SPOCK3: variants seen among roughly 807,000 people sequenced by gnomAD.
SPOCK3 encodes the protein testican-3.
Under a neutral mutation model 56.6 loss-of-function variants are expected in SPOCK3, and 30 were observed. That is an observed-to-expected ratio of 0.53 (90% CI 0.40 to 0.72). SPOCK3 has a LOEUF of 0.72. Among genes scored for constraint, SPOCK3 ranks in the 30% least tolerant of loss-of-function variants. The pLI is 0.00. For synonymous variants in SPOCK3, 196 were observed against 183.3 expected (o/e 1.07, Z -0.56); for missense variants, 527 against 530.0 (o/e 0.99, Z 0.06).
chr4:167,199,154 G>T (rs529095209), intron 2 of SPOCK3, among the ~76,000 whole-genome samples: 1 of 151,996 alleles, frequency 6.6e-6, no homozygotes, highest in Non-Finnish European at 1.5e-5. Flanking sequence ...TAAAGTCACA[G>T]AAATCATTGT....
At chr4:167,044,250 T>C (rs1421183557) in intron 3 of SPOCK3, among the ~76,000 whole-genome samples, 2 of 152,048 alleles carry the variant, frequency 1.3e-5, no homozygotes, top group African/African-American at 4.8e-5. Context: ...TAATATTTAC[T>C]TATTATCCTT....
intron 10 of SPOCK3, among the ~76,000 whole-genome samples, chr4:166,737,055 G>T (rs1734284891): frequency 6.6e-6 from 1 of 152,000 alleles, no homozygotes. Context: ...TCTTTGGCTG[G>T]TGAACCCACA....
At chr4:166,864,298 T>G (rs1052633563) in intron 6 of SPOCK3, among the ~76,000 whole-genome samples, 2 of 152,138 alleles carry the variant, frequency 1.3e-5, no homozygotes, top group African/African-American at 4.8e-5. Flanking sequence ...AGAGGGAAAT[T>G]TATAGCATTA....
chr4:166,860,654 G>A (rs1335884562), intron 6 of SPOCK3, among the ~76,000 whole-genome samples: 1 of 151,184 alleles, frequency 6.6e-6, no homozygotes, highest in African/African-American at 2.4e-5. Context: ...AGATAGAAGA[G>A]GCCCAGCATA....
At chr4:167,106,710 G>A (rs1456493212) in intron 2 of SPOCK3, among the ~76,000 whole-genome samples, 1 of 140,606 alleles carries the variant, frequency 7.1e-6, no homozygotes. Flanking sequence ...ACAAAAAGTT[G>A]TTTTTTTTTT....
At chr4:166,914,892 C>T (rs1219281774) in intron 4 of SPOCK3, among the ~76,000 whole-genome samples, 3 of 151,990 alleles carry the variant, frequency 2.0e-5, no homozygotes, top group African/African-American at 7.2e-5. Flanking sequence ...TGTTCTTATT[C>T]CTTCCAGTTT....
chr4:167,055,996 C>T (rs1444314426), intron 3 of SPOCK3, among the ~76,000 whole-genome samples: 2 of 152,178 alleles, frequency 1.3e-5, no homozygotes, highest in Admixed American at 6.5e-5. Flanking sequence ...GGCAGACTGC[C>T]TCCTGAAGTG....
chr4:167,062,702 A>C, intron 2 of SPOCK3, 165 bp from the exon 3 acceptor site: 1 of 581,348 alleles, frequency 1.7e-6, no homozygotes, highest in Admixed American at 3.4e-5. Flanking sequence ...ATAAAAAAGA[A>C]ACAAGAGAAA....
chr4:167,157,373 G>A (rs1342646715), intron 2 of SPOCK3, among the ~76,000 whole-genome samples: 1 of 151,700 alleles, frequency 6.6e-6, no homozygotes, highest in African/African-American at 2.4e-5. Context: ...AATTTTTTTG[G>A]TTTAAATGTT....
Position 167,155,273 on chromosome 4 carries a change from C to T in SPOCK3, c.189+78712G>A, listed in dbSNP as rs11941048. Among the ~76,000 whole-genome samples, 1,160 of 151,982 alleles carry T rather than the reference C, an allele frequency of 7.6e-3. 20 individuals carry two copies. Among genetic ancestry groups the T allele is most frequent in the African/African-American group, 0.027 (1,107 of 41,446 alleles). ...TGGGATTACAGGCACTCCGCCACCA[C>T]GCCCAGCTAATATTTTCTATTTTTG... On this transcript the variant is annotated intron_variant, in intron 2 of 10. Coordinates refer to ENST00000357545, the MANE Select transcript of SPOCK3 (RefSeq NM_001040159.2).
chr4:167,173,195 A>G (rs553449613), intron 2 of SPOCK3, among the ~76,000 whole-genome samples: 5 of 152,140 alleles, frequency 3.3e-5, no homozygotes, highest in South Asian at 2.1e-4. Flanking sequence ...TTGTTTATCA[A>G]TGCAGAAGTG....
At chr4:166,916,480 TATA>T (rs1454112048) in intron 4 of SPOCK3, among the ~76,000 whole-genome samples, 20 of 152,186 alleles carry the variant, frequency 1.3e-4, no homozygotes, top group Admixed American at 1.3e-3. Flanking sequence ...TCCTAATAAC[TATA>T]ATGTTAATTG....
chr4:166,792,460 G>T (rs1314626357), intron 6 of SPOCK3, among the ~76,000 whole-genome samples, 171 bp from the exon 7 acceptor site: 1 of 152,088 alleles, frequency 6.6e-6, no homozygotes, highest in East Asian at 1.9e-4. Flanking sequence ...GATGTAATAT[G>T]ACAAAAACAT....
chr4:167,218,875 T>C (rs947770896), intron 2 of SPOCK3, among the ~76,000 whole-genome samples: 1 of 152,164 alleles, frequency 6.6e-6, no homozygotes, highest in Non-Finnish European at 1.5e-5. Context: ...AAGTGTGTGG[T>C]CTATGTACGA....
chr4:167,111,506 A>T (rs776780784), intron 2 of SPOCK3, among the ~76,000 whole-genome samples: 3 of 152,140 alleles, frequency 2.0e-5, no homozygotes, highest in Non-Finnish European at 2.9e-5. Context: ...TTAATTTTTT[A>T]AAATAACAAT....
In SPOCK3 at chr4:166,737,620, A is replaced by G; in HGVS notation, c.995-16T>C. On this transcript the variant is annotated splice_polypyrimidine_tract_variant and intron_variant, in intron 9 of 10. Coordinates refer to ENST00000357545, the MANE Select transcript of SPOCK3 (RefSeq NM_001040159.2). ...ATATACTGTCCTGTTGAAACAACAC[A>G]CAGGCATACAAACACACACATGTAG... The G allele has an allele frequency of 1.2e-6, 2 of 1,600,290 alleles. No individual in the cohort carries two copies. The highest frequency in any genetic ancestry group is 1.7e-6 in the Non-Finnish European group (2 of 1,174,232).
chr4:166,802,335 G>T lies in SPOCK3; in HGVS notation c.590-10046C>A, dbSNP rs142871673. Reference sequence around the variant, plus strand: ...TGAATGAAGGGAAAAGGATCAGCATGTCTTTGGCCTGATGAACAGCAATTC... The same window carrying T: ...TGAATGAAGGGAAAAGGATCAGCATTTCTTTGGCCTGATGAACAGCAATTC... On this transcript the variant is annotated intron_variant, in intron 6 of 10. Coordinates refer to ENST00000357545, the MANE Select transcript of SPOCK3 (RefSeq NM_001040159.2). Among the ~76,000 whole-genome samples the T allele has an allele frequency of 2.7e-3, 411 of 152,252 alleles. 3 individuals are homozygous for T. Among genetic ancestry groups the T allele is most frequent in the African/African-American group, 9.2e-3 (382 of 41,562 alleles).
intron 4 of SPOCK3, among the ~76,000 whole-genome samples, chr4:166,966,874 C>G (rs1177275928): frequency 6.6e-6 from 1 of 152,060 alleles, no homozygotes; most frequent in African/African-American, 2.4e-5. Flanking sequence ...TAAATTAGCT[C>G]TATTTCCCAA....
chr4:166,790,704 G>T (rs1300381499), intron 7 of SPOCK3, among the ~76,000 whole-genome samples: 2 of 152,142 alleles, frequency 1.3e-5, no homozygotes, highest in South Asian at 4.1e-4. Flanking sequence ...ACCTTGCTGA[G>T]TGTTGCAAAT....
Sources: gnomAD v4.1 joint callset for allele counts (sites outside exome capture counted in the v4.1 genomes callset) on GRCh38, gnomAD v4.1.1 for gene constraint, MANE v1.5 for transcripts, NCBI Gene and HGNC (gene_info 2026-07-23, HGNC 2026-07-21) for gene names.